CA12: variants seen among roughly 807,000 people sequenced by gnomAD.
The protein encoded by CA12 is carbonate dehydratase XII.
CA12 carries 36 observed loss-of-function variants against 46.8 expected under a neutral mutation model. The observed-to-expected ratio is 0.77, with a 90% CI of 0.59 to 1.02. The LOEUF is 1.02. Among genes scored for constraint, CA12 ranks in the 50% least tolerant of loss-of-function variants. The pLI is 0.00. For missense variants in CA12, 436 were observed against 451.4 expected (o/e 0.97, Z 0.31); for synonymous variants, 202 against 187.0 (o/e 1.08, Z -0.65).
At chr15:63,375,355 T>C in intron 2 of CA12, 1 of 324,932 alleles carries the variant, frequency 3.1e-6, no homozygotes, top group Non-Finnish European at 5.7e-6. Flanking sequence ...AGTCCGGAGG[T>C]GGGGCAAGTT....
chr15:63,374,050 C>G lies in CA12; in HGVS notation c.106+1608G>C, dbSNP rs1595793856. ...CAAACACCTTCCTGCCTCCCTCCAT[C>G]CTTCCCCCTCCACCTCCTACCACCA... On this transcript the variant is annotated intron_variant, in intron 2 of 10. Transcript: ENST00000178638. This position sits in a 1 kb window ranked among gnomAD's most constrained non-coding sequence, Gnocchi z 4.4. 6.6e-6 allele frequency among the ~76,000 whole-genome samples: 1 copy of G among 152,174 alleles called. No homozygotes were observed. The highest frequency in any genetic ancestry group is 6.5e-5 in the Admixed American group (1 of 15,280).
Position 63,355,899 on chromosome 15 carries a change from C to G in CA12, c.107-9190G>C, listed in dbSNP as rs1261976616. Among the ~76,000 whole-genome samples, 1 of 152,154 alleles carries G rather than the reference C, an allele frequency of 6.6e-6. No individual in the cohort carries two copies. Among genetic ancestry groups the G allele is most frequent in the Non-Finnish European group, 1.5e-5 (1 of 68,020 alleles). ...CTCTGTCTTTCTTAAACATAATATT[C>G]AAATAGGGGGCTCCAGGCTCAGGCA... On this transcript the variant is annotated intron_variant, in intron 2 of 10. Coordinates refer to ENST00000178638, the MANE Select transcript of CA12 (RefSeq NM_001218.5). This position sits in a 1 kb window ranked among gnomAD's most constrained non-coding sequence, Gnocchi z 4.1.
chr15:63,353,217 T>C (rs2039255914), intron 2 of CA12, among the ~76,000 whole-genome samples: 1 of 151,974 alleles, frequency 6.6e-6, no homozygotes, highest in African/African-American at 2.4e-5. Context: ...AACAGAAAAA[T>C]GGAGGGATCC....
At chr15:63,376,524 C>T (rs2039572437) in intron 1 of CA12, among the ~76,000 whole-genome samples, 1 of 152,056 alleles carries the variant, frequency 6.6e-6, no homozygotes, top group African/African-American at 2.4e-5. Flanking sequence ...TTTTCTCTCT[C>T]TCTCTGTCTC....
In CA12 at chr15:63,339,753, T is replaced by A. The variant is rs574681401; in HGVS notation, c.747+535A>T. On this transcript the variant is annotated intron_variant, in intron 7 of 10. Coordinates refer to ENST00000178638, the MANE Select transcript of CA12 (RefSeq NM_001218.5). This position sits in a 1 kb window ranked among gnomAD's most constrained non-coding sequence, Gnocchi z 4.3. The stretch of plus-strand genomic sequence containing the variant: ...GACATGGAACTCAGATGACCTAACT[T>A]TGGGTCTCAGCTTTGTCACTAACCC... Among the ~76,000 whole-genome samples the A allele has an allele frequency of 3.3e-5, 5 of 152,320 alleles. No homozygotes were observed. In the East Asian group the frequency reaches 9.6e-4, roughly 29 times the overall value.
rs1040772907 is a variant in CA12 at position 63,321,523 on chromosome 15, C to T, written c.*4762G>A. 6.6e-6 allele frequency: 1 copy of T among 152,288 alleles called. No homozygotes were observed. The highest frequency in any genetic ancestry group is 6.5e-5 in the Admixed American group (1 of 15,288). The allele number at this position is 152,288 out of a possible 1,614,324, so 9.4% of individuals were successfully genotyped here. A position where few individuals can be genotyped will look rare whatever the true frequency, so the allele number is the denominator to read the frequency against. On this transcript the variant is annotated 3_prime_UTR_variant, in exon 11 of 11. Coordinates refer to ENST00000178638, the MANE Select transcript of CA12 (RefSeq NM_001218.5). This position sits in a 1 kb window ranked among gnomAD's most constrained non-coding sequence, Gnocchi z 4.5. ...GCATTGTCGGGCCACATACCTTTCC[C>T]CTCACATCCTGCGACAGCTGAATCC...
rs771835112 is a variant in CA12, at chr15:63,328,178, A to G, written c.875-48T>C. 5 of 1,554,006 alleles carry G rather than the reference A, an allele frequency of 3.2e-6. No homozygotes were observed. In the South Asian group the frequency reaches 5.6e-5, roughly 17 times the overall value. On this transcript the variant is annotated intron_variant, in intron 8 of 10. Coordinates refer to ENST00000178638, the MANE Select transcript of CA12 (RefSeq NM_001218.5). The surrounding 1 kb of genome is among the most constrained non-coding windows in gnomAD (Gnocchi z 5.9). Reference sequence around the variant, plus strand: ...CGAGGTTACTCTAGAGTCAAACCACACTGGATTTGAGCAGCGTGTTGAGAG... The same window carrying G: ...CGAGGTTACTCTAGAGTCAAACCACGCTGGATTTGAGCAGCGTGTTGAGAG...
intron 10 of CA12, among the ~76,000 whole-genome samples, chr15:63,326,835 A>C (rs1595772469): frequency 6.6e-6 from 1 of 152,250 alleles, no homozygotes; most frequent in African/African-American, 2.4e-5. Context: ...TGATAAGAAG[A>C]CAGCCTGGCT....
At chr15:63,344,877 CA>C (rs2039125831) in intron 4 of CA12, among the ~76,000 whole-genome samples, 2 of 152,230 alleles carry the variant, frequency 1.3e-5, no homozygotes, top group East Asian at 3.9e-4. Context: ...AGTAGCTTCT[CA>C]AGGCAACATG....
intron 1 of CA12, among the ~76,000 whole-genome samples, chr15:63,376,600 T>TTTTCTTTCTTTCTTTC (rs2039579849): frequency 7.5e-6 from 1 of 134,094 alleles, no homozygotes; most frequent in Non-Finnish European, 1.6e-5. Context: ...CTTTCTTTCT[T>TTTTCTTTCTTTCTTTC]TCTCTCTCTC....
intron 2 of CA12, among the ~76,000 whole-genome samples, chr15:63,357,846 G>C (rs901755053): frequency 6.6e-6 from 1 of 152,116 alleles, no homozygotes; most frequent in Non-Finnish European, 1.5e-5. Context: ...TCTCAGCACC[G>C]GGCAACCACT....
At chr15:63,333,510 C>T (rs887188501) in intron 8 of CA12, among the ~76,000 whole-genome samples, 4 of 152,280 alleles carry the variant, frequency 2.6e-5, no homozygotes, top group Middle Eastern at 3.4e-3. Flanking sequence ...CCCAGACCAG[C>T]GACTGAAGGT....
Position 63,327,206 on chromosome 15 carries a change from C to T in CA12, c.935G>A (p.Gly312Asp), listed in dbSNP as rs754682184. The T allele has an allele frequency of 1.2e-6, 2 of 1,613,956 alleles. No homozygotes were observed. Among genetic ancestry groups the T allele is most frequent in the South Asian group, 2.2e-5 (2 of 91,036 alleles). The part of the protein sequence containing the change: ...LGIILSLALA[G>D]ILGICIVVVV... ...CACCACAATACAGATGCCAAGAATGCCAGCCAGGGCCAGTGAGAGGATGAT... is the reference window on the plus strand; with the variant it reads ...CACCACAATACAGATGCCAAGAATGTCAGCCAGGGCCAGTGAGAGGATGAT... The change falls in exon 10 of 11, where the codon GGC becomes GAC. Residue 312 changes from glycine (G) to aspartate (D), a missense_variant. Coordinates refer to ENST00000178638, the MANE Select transcript of CA12 (RefSeq NM_001218.5). This position sits in a 1 kb window ranked among gnomAD's most constrained non-coding sequence, Gnocchi z 4.5.
rs148024190 is a variant in CA12 at position 63,343,090 on chromosome 15, G to A, written c.430-993C>T. 1.8e-3 allele frequency among the ~76,000 whole-genome samples: 277 copies of A among 152,076 alleles called. 1 individual carries two copies. Among genetic ancestry groups the A allele is most frequent in the Non-Finnish European group, 3.3e-3 (226 of 67,990 alleles). On this transcript the variant is annotated intron_variant, in intron 4 of 10. Coordinates refer to ENST00000178638, the MANE Select transcript of CA12 (RefSeq NM_001218.5). Reference sequence around the variant, plus strand: ...ACACTGCCCACACCATCTCGGCCTGGCATCACTTTGAGAAACAGAGCTGAA... The same window carrying A: ...ACACTGCCCACACCATCTCGGCCTGACATCACTTTGAGAAACAGAGCTGAA...
chr15:63,325,521 G>T lies in CA12; in HGVS notation c.*764C>A, dbSNP rs1158359512. On this transcript the variant is annotated 3_prime_UTR_variant, in exon 11 of 11. Coordinates refer to ENST00000178638, the MANE Select transcript of CA12 (RefSeq NM_001218.5). The surrounding 1 kb of genome is among the most constrained non-coding windows in gnomAD (Gnocchi z 4.9). ...ATAAACAGAATGTGATTCCAATTCT[G>T]ATTCCAAAGTGAGACTCTCCCAGAT... The T allele has an allele frequency of 6.6e-6, 1 of 152,222 alleles. No homozygotes were observed. Among genetic ancestry groups the T allele is most frequent in the Admixed American group, 6.5e-5 (1 of 15,302 alleles). 9.4% of individuals were successfully genotyped at this position (152,222 alleles called of 1,614,324 possible). A position where few individuals can be genotyped will look rare whatever the true frequency, so the allele number is the denominator to read the frequency against.
At chr15:63,366,002 G>A (rs577561164) in intron 2 of CA12, among the ~76,000 whole-genome samples, 6 of 152,244 alleles carry the variant, frequency 3.9e-5, no homozygotes, top group South Asian at 4.1e-4. Flanking sequence ...TTAGCTGGGC[G>A]TGATGGCGTG....
chr15:63,339,456 C>A lies in CA12; in HGVS notation c.748-511G>T, dbSNP rs569116242. Among the ~76,000 whole-genome samples the A allele has an allele frequency of 6.6e-6, 1 of 152,338 alleles. No homozygotes were observed. The highest frequency in any genetic ancestry group is 2.4e-5 in the African/African-American group (1 of 41,572). On this transcript the variant is annotated intron_variant, in intron 7 of 10. Coordinates refer to ENST00000178638, the MANE Select transcript of CA12 (RefSeq NM_001218.5). The surrounding 1 kb of genome is among the most constrained non-coding windows in gnomAD (Gnocchi z 4.3). ...TAGATTATATAACCCTTTCCCAAGG[C>A]AGTTTCTGAGGTAGGATGTTGCTGC... is the stretch of plus-strand genomic sequence containing the variant.
chr15:63,375,553 C>T (rs1486577311), intron 2 of CA12, 105 bp downstream of exon 2: 2 of 756,080 alleles, frequency 2.6e-6, no homozygotes, highest in African/African-American at 1.8e-5. Flanking sequence ...GTGCTTCCGA[C>T]CCTTCAAAAT....
At chr15:63,377,957 G>A (rs755119252) in intron 1 of CA12, among the ~76,000 whole-genome samples, 3 of 152,184 alleles carry the variant, frequency 2.0e-5, no homozygotes, top group South Asian at 2.1e-4. Context: ...GAGTCCCACC[G>A]CATTTACCAT....
Sources: allele counts gnomAD v4.1 joint callset (sites outside exome capture counted in the v4.1 genomes callset), GRCh38; gene constraint gnomAD v4.1.1; non-coding constraint Gnocchi (gnomAD v3.1); transcripts MANE v1.5; gene names NCBI Gene and HGNC (gene_info 2026-07-23, HGNC 2026-07-21).